Variants in FRMD4A observed in about 807,000 individuals in gnomAD.
The protein encoded by FRMD4A is FERM domain containing 4A, also known as FERM domain-containing protein 4A.
A neutral mutation model predicts 129.1 loss-of-function variants in FRMD4A; 29 were observed. The observed-to-expected ratio is 0.22, with a 90% CI of 0.17 to 0.31. The LOEUF (loss-of-function observed/expected upper bound fraction) is 0.31. Ranked by LOEUF, FRMD4A falls within the 10% of genes least tolerant of loss-of-function variation. The pLI is 1.00. For missense variants in FRMD4A, 1,272 were observed against 1,375.8 expected (o/e 0.92, Z 1.19); for synonymous variants, 634 against 571.6 (o/e 1.11, Z -1.56).
intron 2 of FRMD4A, among the ~76,000 whole-genome samples, chr10:13,948,506 G>T (rs1364652099): frequency 6.6e-6 from 1 of 152,126 alleles, no homozygotes; most frequent in Non-Finnish European, 1.5e-5. Context: ...TAAACGGAAT[G>T]AAGGTGAAGA....
At chr10:13,818,445 C>G (rs1818880684) in intron 3 of FRMD4A, among the ~76,000 whole-genome samples, 1 of 152,176 alleles carries the variant, frequency 6.6e-6, no homozygotes, top group Non-Finnish European at 1.5e-5. Flanking sequence ...GCTGGGATGA[C>G]AAGTGTGACC....
Position 14,124,861 on chromosome 10 carries a change from T to A in FRMD4A, c.45+205197A>T, listed in dbSNP as rs576937460. Among the ~76,000 whole-genome samples, 5 of 152,032 alleles carry A rather than the reference T, an allele frequency of 3.3e-5. No individual in the cohort carries two copies. In the East Asian group the frequency reaches 9.7e-4, roughly 30 times the overall value. On this transcript the variant is annotated intron_variant, in intron 2 of 24. Coordinates refer to ENST00000357447, the MANE Select transcript of FRMD4A (RefSeq NM_018027.5). ...CACCTGTAAAAAGGCATGTTTAGAG[T>A]GTGTGTAATTTTTCACCTCTAGCTG... is the stretch of plus-strand genomic sequence containing the variant.
chr10:13,866,812 T>C (rs972930105), intron 2 of FRMD4A, among the ~76,000 whole-genome samples: 53 of 152,136 alleles, frequency 3.5e-4, no homozygotes, highest in African/African-American at 1.3e-3. Flanking sequence ...ATTAGCTAGG[T>C]ATGTTGGCAC....
chr10:14,208,981 C>T (rs1275995706), intron 2 of FRMD4A, among the ~76,000 whole-genome samples: 1 of 152,112 alleles, frequency 6.6e-6, no homozygotes, highest in Admixed American at 6.5e-5. Flanking sequence ...ATAGGAGGCC[C>T]GTGGTAGGGA....
chr10:14,008,695 ACT>A (rs2131632293), intron 2 of FRMD4A, among the ~76,000 whole-genome samples: 1 of 152,192 alleles, frequency 6.6e-6, no homozygotes, highest in East Asian at 1.9e-4. Context: ...AGAATCCTAC[ACT>A]CTGATTTCAC....
chr10:14,156,009 C>T (rs773903414), intron 2 of FRMD4A, among the ~76,000 whole-genome samples: 1 of 152,158 alleles, frequency 6.6e-6, no homozygotes. Context: ...CTGTACCTCA[C>T]AGCCCAGCAA....
chr10:13,853,941 T>C (rs1203621030), intron 3 of FRMD4A, among the ~76,000 whole-genome samples: 3 of 151,294 alleles, frequency 2.0e-5, no homozygotes, highest in Non-Finnish European at 4.4e-5. Flanking sequence ...TGTCTAGCAG[T>C]AGAAGGTCAG....
chr10:13,681,114 A>C lies in FRMD4A; in HGVS notation c.1118-6070T>G, dbSNP rs114482298. 9.7e-3 allele frequency among the ~76,000 whole-genome samples: 1,480 copies of C among 152,318 alleles called. 17 individuals carry two copies. Among genetic ancestry groups the C allele is most frequent in the African/African-American group, 0.033 (1,366 of 41,568 alleles). Reference sequence around the variant, plus strand: ...CGGATAGTTCCCTCGTGCCTCTAGCAGTCATTTTTGCAATTTTTACAACAG... The same window carrying C: ...CGGATAGTTCCCTCGTGCCTCTAGCCGTCATTTTTGCAATTTTTACAACAG... On this transcript the variant is annotated intron_variant, in intron 15 of 24. Transcript: ENST00000357447.
chr10:14,028,959 T>A (rs1478203546), intron 2 of FRMD4A, among the ~76,000 whole-genome samples: 2 of 152,224 alleles, frequency 1.3e-5, no homozygotes, highest in Non-Finnish European at 2.9e-5. Flanking sequence ...AAATCCACTT[T>A]AACCGTTGAT....
In FRMD4A at chr10:14,147,292, C is replaced by G. The variant is rs903906303; in HGVS notation, c.45+182766G>C. ...ATTCCTAAGAGTGGGAGAGTTGCCTCCAGATGCTGGGGCCAAATGGTATCT... is the reference window on the plus strand; with the variant it reads ...ATTCCTAAGAGTGGGAGAGTTGCCTGCAGATGCTGGGGCCAAATGGTATCT... On this transcript the variant is annotated intron_variant, in intron 2 of 24. Coordinates refer to ENST00000357447, the MANE Select transcript of FRMD4A (RefSeq NM_018027.5). 2.0e-5 allele frequency among the ~76,000 whole-genome samples: 3 copies of G among 152,040 alleles called. No individual in the cohort carries two copies. The East Asian group carries it at 5.8e-4, about 29-fold the overall frequency.
intron 4 of FRMD4A, among the ~76,000 whole-genome samples, 162 bp downstream of exon 4, chr10:13,810,648 CATGA>C (rs1202037147): frequency 6.6e-6 from 1 of 152,182 alleles, no homozygotes; most frequent in Non-Finnish European, 1.5e-5. Context: ...CTGTACCAGG[CATGA>C]CCACAAGGCC....
chr10:14,054,014 T>A (rs11258838), intron 2 of FRMD4A, among the ~76,000 whole-genome samples: 69,674 of 151,070 alleles, frequency 0.46, 16,490 homozygotes, highest in Middle Eastern at 0.58. Context: ...CCCTACAAAA[T>A]TTTTTTTTAA....
intron 2 of FRMD4A, among the ~76,000 whole-genome samples, chr10:13,942,501 C>G (rs1021107411): frequency 8.5e-5 from 13 of 152,200 alleles, no homozygotes; most frequent in African/African-American, 3.1e-4. Context: ...TTAGAACAGT[C>G]TGCAAGACAT....
chr10:13,994,072 C>T (rs1181279503), intron 2 of FRMD4A, among the ~76,000 whole-genome samples: 6 of 144,688 alleles, frequency 4.1e-5, no homozygotes, highest in African/African-American at 7.7e-5. Context: ...TGCAGTGATG[C>T]GATCTTGGCT....
chr10:13,834,815 G>A (rs2093847561), intron 3 of FRMD4A, among the ~76,000 whole-genome samples: 1 of 152,134 alleles, frequency 6.6e-6, no homozygotes, highest in African/African-American at 2.4e-5. Flanking sequence ...AGAGACAGAG[G>A]CACATGGCTT....
intron 2 of FRMD4A, among the ~76,000 whole-genome samples, chr10:13,859,559 T>C (rs918498998): frequency 6.6e-6 from 1 of 152,008 alleles, no homozygotes; most frequent in African/African-American, 2.4e-5. Flanking sequence ...GGGTGGTGGG[T>C]GTTGTTCATT....
chr10:14,327,075 C>T (rs1843307372), intron 2 of FRMD4A: 2 of 397,796 alleles, frequency 5.0e-6, no homozygotes, highest in Non-Finnish European at 4.4e-6. Flanking sequence ...GCATGCTTAC[C>T]ACCTGGGACC....
In FRMD4A at chr10:14,108,262, T is replaced by C. The variant is rs892476930; in HGVS notation, c.45+221796A>G. On this transcript the variant is annotated intron_variant, in intron 2 of 24. Coordinates refer to ENST00000357447, the MANE Select transcript of FRMD4A (RefSeq NM_018027.5). ...GATAAGTGCATTTTAAAACAACTCA[T>C]AAGCTATGCATCATCACTTAGCCTT... Among the ~76,000 whole-genome samples the C allele has an allele frequency of 1.7e-4, 26 of 152,332 alleles. 2 individuals are homozygous for C. The highest frequency in any genetic ancestry group is 1.4e-3 in the Admixed American group (21 of 15,304).
At chr10:13,779,146 A>G (rs1041625709) in intron 6 of FRMD4A, among the ~76,000 whole-genome samples, 5 of 152,068 alleles carry the variant, frequency 3.3e-5, no homozygotes, top group Non-Finnish European at 4.4e-5. Flanking sequence ...GTGAAACCCC[A>G]TCTCTACTAA....
Sources: gnomAD v4.1 joint callset for allele counts (sites outside exome capture counted in the v4.1 genomes callset) on GRCh38, gnomAD v4.1.1 for gene constraint, MANE v1.5 for transcripts, NCBI Gene and HGNC (gene_info 2026-07-23, HGNC 2026-07-21) for gene names.